Variants in KIAA1549 observed in about 807,000 individuals in gnomAD.
The protein encoded by KIAA1549 is UPF0606 protein KIAA1549.
Under a neutral mutation model 156.4 loss-of-function variants are expected in KIAA1549, and 70 were observed. The observed-to-expected ratio is 0.45, with a 90% CI of 0.37 to 0.55. The LOEUF (loss-of-function observed/expected upper bound fraction) is 0.55. Ranked by LOEUF, KIAA1549 falls within the 20% of genes least tolerant of loss-of-function variation. KIAA1549 has a pLI of 0.00. For synonymous variants in KIAA1549, 1,103 were observed against 1,066.4 expected (o/e 1.03, Z -0.67); for missense variants, 2,428 against 2,540.9 (o/e 0.96, Z 0.96).
At chr7:138,903,323 T>G (rs1811895718) in intron 8 of KIAA1549, among the ~76,000 whole-genome samples, 1 of 152,204 alleles carries the variant, frequency 6.6e-6, no homozygotes, top group South Asian at 2.1e-4. Context: ...GGCAACCCAG[T>G]AAGACAATTC....
intron 17 of KIAA1549, among the ~76,000 whole-genome samples, chr7:138,845,088 C>T (rs1810037033): frequency 6.6e-6 from 1 of 152,000 alleles, no homozygotes; most frequent in African/African-American, 2.4e-5. Context: ...ATTGAGGACT[C>T]CCAAGAGCTT....
chr7:138,936,145 A>C (rs1813003555), intron 1 of KIAA1549, among the ~76,000 whole-genome samples: 1 of 152,220 alleles, frequency 6.6e-6, no homozygotes, highest in South Asian at 2.1e-4. Flanking sequence ...AGGGAACAGA[A>C]AAGAAGTTCC....
chr7:138,874,558 T>C (rs112652184), intron 12 of KIAA1549, among the ~76,000 whole-genome samples: 25 of 152,054 alleles, frequency 1.6e-4, no homozygotes, highest in African/African-American at 2.4e-4. Context: ...TTAAGTAAAA[T>C]AGGCCAGGCA....
intron 1 of KIAA1549, among the ~76,000 whole-genome samples, chr7:138,923,740 A>T (rs1812630411): frequency 6.6e-6 from 1 of 152,254 alleles, no homozygotes; most frequent in Non-Finnish European, 1.5e-5. Context: ...TAGAAGCTAT[A>T]AGAGGGACAG....
intron 10 of KIAA1549, among the ~76,000 whole-genome samples, chr7:138,891,639 G>C (rs1208067647): frequency 6.6e-6 from 1 of 152,192 alleles, no homozygotes; most frequent in Non-Finnish European, 1.5e-5. Flanking sequence ...CGAGGGGAAG[G>C]GGGGTGCAGA....
Position 138,838,040 on chromosome 7 carries a change from C to G in KIAA1549, c.5719G>C (p.Gly1907Arg), listed in dbSNP as rs1432736203. The change falls in exon 20 of 20, where the codon GGG becomes CGG. Residue 1907 changes from glycine to arginine, a missense_variant. Gly to Arg is a moderately radical substitution (Grantham distance 125). This residue lies in a region of KIAA1549 where 363 missense variants were observed against 354.0 expected (regional missense o/e 1.03). Transcript: ENST00000422774. ...NLPHRGLQGP[G>R]LGYPTSSTED... ...GTGGAGCTGGTGGGGTAACCCAGCC[C>G]AGGGCCCTGCAGTCCCCGGTGGGGG... 2 of 1,603,770 alleles carry G rather than the reference C, an allele frequency of 1.2e-6. No homozygotes were observed. Among genetic ancestry groups the G allele is most frequent in the Admixed American group, 3.4e-5 (2 of 58,224 alleles).
intron 1 of KIAA1549, among the ~76,000 whole-genome samples, chr7:138,977,652 G>C (rs1209886274): frequency 9.4e-6 from 1 of 106,934 alleles, no homozygotes; most frequent in African/African-American, 4.2e-5. Flanking sequence ...GTATACTCAA[G>C]AAAACACACA....
At position 138,918,155 on chromosome 7, in the gene KIAA1549, C is replaced by T. The variant is rs749611621; in HGVS notation, c.1471G>A (p.Val491Ile). ...TCCATGGATCTAGAAGAAAGTGGGA[C>T]GATAGGTCTGGAGGGGAAAAGCGTA... ...FNTLFPSRPI[V>I]PLSSRSMEIS... The change falls in exon 2 of 20, where the codon GTC becomes ATC. Residue 491 changes from valine to isoleucine, a missense_variant. Around this residue, in one of 5 missense-constraint regions of KIAA1549, gnomAD observed 893 missense variants for 847.9 expected, o/e 1.05. Transcript: ENST00000422774. This position sits in a 1 kb window ranked among gnomAD's most constrained non-coding sequence, Gnocchi z 4.2. The T allele has an allele frequency of 1.5e-5, 25 of 1,613,814 alleles. No homozygotes were observed. Among genetic ancestry groups the T allele is most frequent in the Admixed American group, 3.3e-5 (2 of 59,986 alleles).
In KIAA1549 at chr7:138,894,443, C is replaced by T. The variant is rs534993338; in HGVS notation, c.3931G>A (p.Val1311Met). 1 of 1,613,900 alleles carries T rather than the reference C, an allele frequency of 6.2e-7. No individual in the cohort carries two copies. Reference sequence around the variant, plus strand: ...AGGATGACAACAATCACCATCACCACCAGCACTGGGATGACCACGCCAACA... The same window carrying T: ...AGGATGACAACAATCACCATCACCATCAGCACTGGGATGACCACGCCAACA... ...VIVGVVIPVLVVMVIVVILYW... is the reference protein window; with the variant it reads ...VIVGVVIPVLMVMVIVVILYW... Residue 1311 changes from valine (V) to methionine (M), a missense_variant, in exon 10 of 20, where the codon GTG (valine) becomes ATG (methionine). Physicochemically the swap from Val to Met is conservative, Grantham distance 21. This residue lies in a region of KIAA1549 where 762 missense variants were observed against 901.6 expected (regional missense o/e 0.85). Transcript: ENST00000422774.
intron 15 of KIAA1549, among the ~76,000 whole-genome samples, chr7:138,867,264 G>A (rs966105685): frequency 1.1e-4 from 16 of 152,260 alleles, no homozygotes; most frequent in East Asian, 5.8e-4. Context: ...TAGAGTATGA[G>A]ACTCTTGATC....
chr7:138,953,476 TAAG>T (rs1445314862), intron 1 of KIAA1549, among the ~76,000 whole-genome samples: 2 of 152,142 alleles, frequency 1.3e-5, no homozygotes, highest in African/African-American at 4.8e-5. Flanking sequence ...GATACATTTT[TAAG>T]AAGGGTCATC....
At chr7:138,923,633 A>C (rs2130491764) in intron 1 of KIAA1549, among the ~76,000 whole-genome samples, 1 of 152,274 alleles carries the variant, frequency 6.6e-6, no homozygotes, top group African/African-American at 2.4e-5. Context: ...TATATGGTTA[A>C]ATCTAAACAA....
intron 1 of KIAA1549, among the ~76,000 whole-genome samples, chr7:138,930,853 A>G (rs1812848283): frequency 6.6e-6 from 1 of 152,192 alleles, no homozygotes; most frequent in African/African-American, 2.4e-5. Context: ...CAACTTGGCA[A>G]TCTATTTGTT....
chr7:138,967,112 T>C (rs1374372755), intron 1 of KIAA1549, among the ~76,000 whole-genome samples: 1 of 152,168 alleles, frequency 6.6e-6, no homozygotes, highest in Non-Finnish European at 1.5e-5. Context: ...TCCACTGATG[T>C]ATCCCAAGGG....
At chr7:138,931,626 C>T (rs1259042516) in intron 1 of KIAA1549, among the ~76,000 whole-genome samples, 1 of 151,922 alleles carries the variant, frequency 6.6e-6, no homozygotes, top group Non-Finnish European at 1.5e-5. Flanking sequence ...GTGGCAGGTG[C>T]CTGTAATCCC....
At chr7:138,930,269 G>A (rs1034129331) in intron 1 of KIAA1549, among the ~76,000 whole-genome samples, 11 of 152,206 alleles carry the variant, frequency 7.2e-5, no homozygotes, top group East Asian at 1.9e-4. Context: ...AGTGCAAGCA[G>A]AGCCAACTTA....
chr7:138,844,188 AGGGGAAACAGC>A, intron 18 of KIAA1549, 118 bp downstream of exon 18: 6 of 1,044,760 alleles, frequency 5.7e-6, no homozygotes, highest in Non-Finnish European at 7.1e-6. Context: ...TCAGGATATG[AGGGGAAACAGC>A]CCTGAAACAG....
At chr7:138,937,155 G>A (rs1042476523) in intron 1 of KIAA1549, among the ~76,000 whole-genome samples, 1 of 151,852 alleles carries the variant, frequency 6.6e-6, no homozygotes, top group Non-Finnish European at 1.5e-5. Flanking sequence ...CCATGCCCCA[G>A]CTATTCGACG....
intron 19 of KIAA1549, among the ~76,000 whole-genome samples, chr7:138,839,764 T>C (rs1364047018): frequency 6.7e-6 from 1 of 148,668 alleles, no homozygotes; most frequent in Non-Finnish European, 1.5e-5. Flanking sequence ...AGCTGCTAAA[T>C]TGAGGGATTA....
Sources: gnomAD v4.1 joint callset for allele counts (sites outside exome capture counted in the v4.1 genomes callset) on GRCh38, gnomAD v4.1.1 for gene constraint, gnomAD v4.1.1 regional missense constraint, Gnocchi (gnomAD v3.1) non-coding constraint, MANE v1.5 for transcripts, NCBI Gene and HGNC (gene_info 2026-07-23, HGNC 2026-07-21) for gene names.